CMPK2: variants seen among roughly 807,000 people sequenced by gnomAD.
CMPK2 encodes the protein UMP-CMP kinase 2, mitochondrial.
A neutral mutation model predicts 33.4 loss-of-function variants in CMPK2; 32 were observed. The observed-to-expected ratio is 0.96, with a 90% CI of 0.72 to 1.29. The LOEUF (loss-of-function observed/expected upper bound fraction) is 1.29, where lower values mean the gene tolerates loss of function less well. CMPK2 is among the 50% of genes most tolerant of loss of function. The pLI is 0.00. For missense variants in CMPK2, 672 were observed against 616.0 expected (o/e 1.09, Z -0.96); for synonymous variants, 299 against 275.3 (o/e 1.09, Z -0.85).
At chr2:6,846,394 T>C (rs1371797261), downstream of CMPK2, among the ~76,000 whole-genome samples, 1 of 150,582 alleles carries the variant, frequency 6.6e-6, no homozygotes, top group African/African-American at 2.4e-5. Flanking sequence ...GAAAGGCCCT[T>C]ACTAGGTGAA....
At chr2:6,846,106 G>C (rs1662355103), downstream of CMPK2, among the ~76,000 whole-genome samples, 3 of 152,204 alleles carry the variant, frequency 2.0e-5, no homozygotes, top group Non-Finnish European at 4.4e-5. Flanking sequence ...TTTCCACTAG[G>C]TGGCATTGTA....
intron 1 of CMPK2, 123 bp from the exon 2 acceptor site, chr2:6,863,701 C>T (rs990137630): frequency 1.6e-5 from 10 of 643,416 alleles, no homozygotes; most frequent in Admixed American, 8.8e-5. Context: ...AGCACTGTGC[C>T]AGGCCATGGG....
intron 4 of CMPK2, chr2:6,850,767 G>A (rs1662494382): frequency 2.0e-6 from 2 of 985,176 alleles, no homozygotes; most frequent in African/African-American, 3.5e-5. Flanking sequence ...TGATAACAGG[G>A]CTATCATTGT....
At chr2:6,865,949 CG>C (rs1663074694), upstream of CMPK2, 2 of 1,296,212 alleles carry the variant, frequency 1.5e-6, no homozygotes, top group Admixed American at 3.1e-5. Flanking sequence ...CGCTTGGCCC[CG>C]GGGCCCCAGG....
chr2:6,853,676 G>A (rs1255766480), intron 3 of CMPK2, among the ~76,000 whole-genome samples: 2 of 152,172 alleles, frequency 1.3e-5, no homozygotes, highest in African/African-American at 4.8e-5. Context: ...GCTGAGGTGG[G>A]TGGATCACGA....
chr2:6,856,327 C>T (rs931855996), intron 3 of CMPK2, among the ~76,000 whole-genome samples: 10 of 152,212 alleles, frequency 6.6e-5, no homozygotes, highest in Non-Finnish European at 1.3e-4. Flanking sequence ...AGTTTAAGAA[C>T]AGGCAGAACT....
chr2:6,852,948 C>T (rs1051777727), intron 3 of CMPK2, among the ~76,000 whole-genome samples: 4 of 151,656 alleles, frequency 2.6e-5, no homozygotes, highest in Admixed American at 1.3e-4. Flanking sequence ...TTACCACCTT[C>T]AATCCTTTAT....
chr2:6,857,527 A>G (rs1278728034), intron 3 of CMPK2, among the ~76,000 whole-genome samples: 1 of 151,546 alleles, frequency 6.6e-6, no homozygotes, highest in Non-Finnish European at 1.5e-5. Context: ...TATGTTATCA[A>G]GGCTGGTCTT....
intron 3 of CMPK2, among the ~76,000 whole-genome samples, chr2:6,841,714 T>G (rs747504480): frequency 2.0e-5 from 3 of 152,088 alleles, no homozygotes; most frequent in Non-Finnish European, 1.5e-5. Flanking sequence ...TGCTGGGACT[T>G]TGGGGTCTTC....
At chr2:6,850,854 G>A in intron 4 of CMPK2, 4 of 988,536 alleles carry the variant, frequency 4.0e-6, no homozygotes, top group Admixed American at 5.8e-5. Flanking sequence ...TCATGAGGCA[G>A]GAGGCCTGGC....
At chr2:6,850,369 C>A (rs1418714987) in intron 4 of CMPK2, among the ~76,000 whole-genome samples, 7 of 152,180 alleles carry the variant, frequency 4.6e-5, no homozygotes, top group Non-Finnish European at 7.3e-5. Flanking sequence ...AATTTTCATA[C>A]AAGCCACAGT....
chr2:6,842,219 T>A (rs895141698), intron 3 of CMPK2, among the ~76,000 whole-genome samples: 1 of 152,174 alleles, frequency 6.6e-6, no homozygotes, highest in Non-Finnish European at 1.5e-5. Context: ...TTTTTCACAA[T>A]CATGTTCAGG....
intron 3 of CMPK2, among the ~76,000 whole-genome samples, chr2:6,842,484 A>G (rs1302461047): frequency 2.6e-5 from 4 of 152,184 alleles, no homozygotes; most frequent in African/African-American, 4.8e-5. Context: ...CAAGCTGGCC[A>G]TCCTTTAGCC....
At chr2:6,844,813 A>C (rs965073188), downstream of CMPK2, among the ~76,000 whole-genome samples, 3 of 152,160 alleles carry the variant, frequency 2.0e-5, no homozygotes, top group Non-Finnish European at 4.4e-5. Context: ...CTCTCCATGT[A>C]AGATAAAACA....
chr2:6,847,115 A>T (rs1452055691), downstream of CMPK2, among the ~76,000 whole-genome samples: 1 of 152,128 alleles, frequency 6.6e-6, no homozygotes, highest in Admixed American at 6.5e-5. Context: ...CGGGCTGGAA[A>T]GGGGAATGAA....
intron 4 of CMPK2, 129 bp from the exon 5 acceptor site, chr2:6,850,102 G>A: frequency 3.1e-6 from 2 of 647,946 alleles, no homozygotes. Context: ...ACTGTAACTA[G>A]CTTTGCCCAC....
Position 6,861,187 on chromosome 2 carries a change from T to C in CMPK2, c.989A>G (p.Asp330Gly), listed in dbSNP as rs1662869789. The stretch of plus-strand genomic sequence containing the variant: ...TTCAAGGCATCTTTATACCTACCTG[T>C]CTACAATCACAGGAGATTTGGCAGA... Reference protein sequence around the residue: ...KESAKSPVIVDRYWHSTATYA... With the variant: ...KESAKSPVIVGRYWHSTATYA... The change falls in exon 3 of 5, where the codon GAC becomes GGC. Residue 330 changes from aspartate (D) to glycine (G), a missense_variant. Asp to Gly is a moderately conservative substitution (Grantham distance 94). Transcript: ENST00000256722. 6.2e-7 allele frequency: 1 copy of C among 1,613,448 alleles called. No individual in the cohort carries two copies. The highest frequency in any genetic ancestry group is 8.5e-7 in the Non-Finnish European group (1 of 1,179,476).
chr2:6,847,004 G>A (rs1453288339), downstream of CMPK2, among the ~76,000 whole-genome samples: 1 of 152,196 alleles, frequency 6.6e-6, no homozygotes, highest in Non-Finnish European at 1.5e-5. Flanking sequence ...CAAGGGTGAA[G>A]TTGGAGTGAA....
At position 6,865,329 on chromosome 2, in the gene CMPK2, T is replaced by G; in HGVS notation, c.368A>C (p.Gln123Pro). 7.4e-6 allele frequency: 11 copies of G among 1,491,442 alleles called. No homozygotes were observed. Among genetic ancestry groups the G allele is most frequent in the Non-Finnish European group, 9.7e-6 (11 of 1,128,552 alleles). 92.4% of individuals were successfully genotyped at this position (1,491,442 alleles called of 1,614,324 possible). A position where few individuals can be genotyped will look rare whatever the true frequency, so the allele number is the denominator to read the frequency against. Residue 123 changes from glutamine (Q) to proline (P), a missense_variant, in exon 1 of 5, where the codon CAG (glutamine) becomes CCG (proline). Physicochemically the swap from Gln to Pro is moderately conservative, Grantham distance 76 (BLOSUM62 -1). Coordinates refer to ENST00000256722, the MANE Select transcript of CMPK2 (RefSeq NM_207315.4). The part of the protein sequence containing the change: ...LRLLCYCPGG[Q>P]AGGAQQGFLL... Reference sequence around the variant, plus strand: ...GAAGCCTTGCTGTGCGCCGCCGGCCTGGCCGCCCGGGCAGTAGCAGAGCAG... The same window carrying G: ...GAAGCCTTGCTGTGCGCCGCCGGCCGGGCCGCCCGGGCAGTAGCAGAGCAG...
Sources: gnomAD v4.1 joint callset for allele counts (sites outside exome capture counted in the v4.1 genomes callset) on GRCh38, gnomAD v4.1.1 for gene constraint, MANE v1.5 for transcripts, NCBI Gene and HGNC (gene_info 2026-07-23, HGNC 2026-07-21) for gene names.